MAGI2: variants seen among roughly 807,000 people sequenced by gnomAD.
The protein encoded by MAGI2 is membrane-associated guanylate kinase, WW and PDZ domain-containing protein 2.
Under a neutral mutation model 133.3 loss-of-function variants are expected in MAGI2, and 35 were observed. The observed-to-expected ratio is 0.26, with a 90% CI of 0.20 to 0.35. The LOEUF is 0.35. Ranked by LOEUF, MAGI2 falls within the 10% of genes least tolerant of loss-of-function variation. MAGI2 has a pLI of 1.00. For missense variants in MAGI2, 1,636 were observed against 1,863.4 expected, an observed-to-expected ratio of 0.88 and a Z score of 2.25; for synonymous variants, 729 against 710.6, an observed-to-expected ratio of 1.03 and a Z score of -0.41.
At chr7:79,391,735 G>A (rs1844668895) in intron 1 of MAGI2, among the ~76,000 whole-genome samples, 2 of 151,620 alleles carry the variant, frequency 1.3e-5, no homozygotes, top group South Asian at 4.2e-4. Flanking sequence ...TGTCACCCAG[G>A]CTGGAGTGGC....
chr7:78,793,258 C>T (rs1235528992), intron 2 of MAGI2, among the ~76,000 whole-genome samples: 1 of 152,188 alleles, frequency 6.6e-6, no homozygotes, highest in East Asian at 1.9e-4. Context: ...AAAACAAAAC[C>T]TCACTGATTT....
chr7:79,056,554 A>G (rs1218196105), intron 1 of MAGI2, among the ~76,000 whole-genome samples: 3 of 152,210 alleles, frequency 2.0e-5, no homozygotes, highest in African/African-American at 7.2e-5. Context: ...CAATACTTGC[A>G]CAGAGTATCA....
rs138768080 is a variant in MAGI2 at position 78,315,173 on chromosome 7, C to T, written c.1408+28605G>A. On this transcript the variant is annotated intron_variant, in intron 9 of 21. Transcript: ENST00000354212. Reference sequence around the variant, plus strand: ...TCCTAGTTACCACCTCATGTTGACTCCCACTTGGAATTAAGTGTTTTGCAT... The same window carrying T: ...TCCTAGTTACCACCTCATGTTGACTTCCACTTGGAATTAAGTGTTTTGCAT... Among the ~76,000 whole-genome samples, 399 of 152,186 alleles carry T rather than the reference C, an allele frequency of 2.6e-3. 3 individuals carry two copies. Among genetic ancestry groups the T allele is most frequent in the African/African-American group, 9.0e-3 (372 of 41,524 alleles).
intron 1 of MAGI2, among the ~76,000 whole-genome samples, chr7:79,429,489 G>A (rs185848522): frequency 1.7e-4 from 26 of 152,160 alleles, no homozygotes; most frequent in African/African-American, 6.3e-4. Flanking sequence ...ATTTTTAGTA[G>A]AGACGGGGTT....
At chr7:79,171,741 A>T (rs1458107582) in intron 1 of MAGI2, among the ~76,000 whole-genome samples, 4 of 22,690 alleles carry the variant, frequency 1.8e-4, no homozygotes, top group Non-Finnish European at 3.0e-4. Context: ...ACAATAGCCA[A>T]AAATATATAT....
At chr7:78,480,343 G>T (rs1792222324) in intron 6 of MAGI2, among the ~76,000 whole-genome samples, 1 of 151,724 alleles carries the variant, frequency 6.6e-6, no homozygotes, top group Admixed American at 6.6e-5. Flanking sequence ...TATGTGGCCA[G>T]TATTACCCCG....
intron 10 of MAGI2, among the ~76,000 whole-genome samples, chr7:78,229,367 GAT>G (rs1468322381): frequency 6.6e-6 from 1 of 152,220 alleles, no homozygotes; most frequent in Non-Finnish European, 1.5e-5. Context: ...TGAACACCAA[GAT>G]TTGAACTCAG....
intron 1 of MAGI2, among the ~76,000 whole-genome samples, chr7:79,200,685 C>T (rs1176358882): frequency 6.6e-6 from 1 of 151,606 alleles, no homozygotes; most frequent in East Asian, 1.9e-4. Flanking sequence ...AGTGTTATCC[C>T]CATTGTTCCA....
chr7:78,989,153 C>T (rs1405026579), intron 2 of MAGI2, among the ~76,000 whole-genome samples: 1 of 152,036 alleles, frequency 6.6e-6, no homozygotes, highest in Non-Finnish European at 1.5e-5. Flanking sequence ...TACATCAATG[C>T]TAATTACATT....
chr7:78,049,914 A>T (rs1811839949), intron 21 of MAGI2, among the ~76,000 whole-genome samples: 1 of 152,286 alleles, frequency 6.6e-6, no homozygotes, highest in East Asian at 1.9e-4. Flanking sequence ...TTCAGAATTG[A>T]TATCTGTAAT....
At chr7:79,413,382 A>T (rs1846271534) in intron 1 of MAGI2, 1 of 152,272 alleles carries the variant, frequency 6.6e-6, no homozygotes, top group African/African-American at 2.4e-5. Flanking sequence ...TAAAAGTGGC[A>T]GGAATTTTGA....
rs1827113157 is a variant in MAGI2 at position 79,186,228 on chromosome 7, ATATATATATATATATTTATATT to A, written c.302-179044_302-179023del. Among the ~76,000 whole-genome samples the A allele has an allele frequency of 2.6e-5, 3 of 114,414 alleles. No individual in the cohort carries two copies. In the South Asian group the frequency reaches 9.0e-4, roughly 34 times the overall value. The allele number at this position is 114,414 out of a possible 152,430, so 75.1% of individuals were successfully genotyped here. A position where few individuals can be genotyped will look rare whatever the true frequency, so the allele number is the denominator to read the frequency against. On this transcript the variant is annotated intron_variant, in intron 1 of 21. Coordinates refer to ENST00000354212, the MANE Select transcript of MAGI2 (RefSeq NM_012301.4). ...TATATATATATATATATATATATAT[ATATATATATATATATTTATATT>A]TATTTATTTATAAACTACATACATT...
At position 78,024,164 on chromosome 7, in the gene MAGI2, C is replaced by T. The variant is rs938356285; in HGVS notation, c.3707-4188G>A. Among the ~76,000 whole-genome samples, 5 of 152,340 alleles carry T rather than the reference C, an allele frequency of 3.3e-5. No individual in the cohort carries two copies. In the East Asian group the frequency reaches 7.7e-4, roughly 24 times the overall value. The stretch of plus-strand genomic sequence containing the variant: ...TTGGTTGTCAGGACACCCCATTCTC[C>T]TGCTTTTTATCCTACTTCTGGCAGT... On this transcript the variant is annotated intron_variant, in intron 21 of 21. Transcript: ENST00000354212.
At chr7:78,636,369 TGAA>T (rs1554507781) in intron 2 of MAGI2, among the ~76,000 whole-genome samples, 5 of 145,670 alleles carry the variant, frequency 3.4e-5, no homozygotes, top group African/African-American at 5.1e-5. Flanking sequence ...TTTTTTTTTT[TGAA>T]GAAGAAACCT....
intron 2 of MAGI2, among the ~76,000 whole-genome samples, chr7:78,777,077 AC>A (rs1826043603): frequency 6.6e-6 from 1 of 152,172 alleles, no homozygotes; most frequent in Non-Finnish European, 1.5e-5. Flanking sequence ...TCAAAAGTGT[AC>A]TGCTCTACTT....
intron 1 of MAGI2, among the ~76,000 whole-genome samples, chr7:79,189,298 G>T (rs1357326726): frequency 1.7e-5 from 2 of 115,076 alleles, no homozygotes; most frequent in African/African-American, 8.1e-5. Context: ...GTTAATGTTT[G>T]CCATTTTTAT....
chr7:79,017,852 C>T (rs78058536), intron 1 of MAGI2, among the ~76,000 whole-genome samples: 1 of 152,046 alleles, frequency 6.6e-6, no homozygotes, highest in African/African-American at 2.4e-5. Context: ...AAGACTGGCT[C>T]TCCAAAATAA....
chr7:78,082,053 C>T (rs909579014), intron 20 of MAGI2, among the ~76,000 whole-genome samples: 15 of 152,246 alleles, frequency 9.9e-5, no homozygotes, highest in African/African-American at 3.4e-4. Flanking sequence ...AACCCCAAAT[C>T]GAATCTTGAC....
intron 10 of MAGI2, among the ~76,000 whole-genome samples, chr7:78,217,874 G>T (rs1788424544): frequency 1.3e-5 from 2 of 152,190 alleles, no homozygotes; most frequent in South Asian, 2.1e-4. Context: ...CCACTTGGTA[G>T]CCTGGGGGCT....
Sources: allele counts gnomAD v4.1 joint callset (sites outside exome capture counted in the v4.1 genomes callset), GRCh38; gene constraint gnomAD v4.1.1; transcripts MANE v1.5; gene names NCBI Gene and HGNC (gene_info 2026-07-23, HGNC 2026-07-21).